MALRD1: variants seen among roughly 807,000 people sequenced by gnomAD.
MALRD1 encodes MAM and LDL-receptor class A domain-containing protein 1.
In MALRD1, 247 loss-of-function variants were observed where a neutral mutation model predicts 242.1. The ratio of observed to expected loss-of-function variants is 1.02; its 90% CI spans 0.92 to 1.13. MALRD1 has a LOEUF of 1.13. Among genes scored for constraint, MALRD1 ranks in the 50% most tolerant of loss-of-function variants. The pLI is 0.00. For missense variants in MALRD1, 2,989 were observed against 2,533.1 expected (o/e 1.18, Z -3.86); for synonymous variants, 995 against 866.6 (o/e 1.15, Z -2.60).
chr10:19,282,160 T>C (rs968381368), intron 20 of MALRD1, among the ~76,000 whole-genome samples: 3 of 152,160 alleles, frequency 2.0e-5, no homozygotes, highest in Non-Finnish European at 2.9e-5. Context: ...TTTTAAATGA[T>C]ATGAAGAACA....
At chr10:19,277,208 G>C (rs1840573393) in intron 19 of MALRD1, among the ~76,000 whole-genome samples, 1 of 152,108 alleles carries the variant, frequency 6.6e-6, no homozygotes. Context: ...TTATAGGTGT[G>C]AGCCACCACA....
intron 31 of MALRD1, among the ~76,000 whole-genome samples, chr10:19,512,615 T>C (rs1474136165): frequency 6.6e-6 from 1 of 152,204 alleles, no homozygotes; most frequent in Non-Finnish European, 1.5e-5. Context: ...AAAGCTTCTG[T>C]CTAACCAGGA....
chr10:19,305,259 G>A (rs757876268), intron 21 of MALRD1, among the ~76,000 whole-genome samples: 21 of 151,540 alleles, frequency 1.4e-4, no homozygotes, highest in Admixed American at 1.3e-4. Context: ...GAATCTAATC[G>A]CAATCTAACA....
At chr10:19,204,434 T>G in intron 16 of MALRD1, 21 bp downstream of exon 16, 1 of 1,438,588 alleles carries the variant, frequency 7.0e-7, no homozygotes, top group Non-Finnish European at 9.5e-7. Flanking sequence ...AACAAATATT[T>G]AAACAATATT....
intron 13 of MALRD1, among the ~76,000 whole-genome samples, chr10:19,170,575 G>T (rs7903742): frequency 0.24 from 36,494 of 151,950 alleles, 4,994 homozygotes; most frequent in South Asian, 0.47. Flanking sequence ...AAAAGTAAAA[G>T]GTGATCGAGT....
chr10:19,367,760 C>T lies in MALRD1; in HGVS notation c.4441+15463C>T, dbSNP rs1407199605. ...AAGAGTTCTCTTTTCTCTGCATTCT[C>T]ACCAGTATTTATTTTTTGTCTTATT... On this transcript the variant is annotated intron_variant, in intron 26 of 39. Transcript: ENST00000454679. 3.3e-5 allele frequency among the ~76,000 whole-genome samples: 5 copies of T among 152,206 alleles called. No individual in the cohort carries two copies. The East Asian group carries it at 9.6e-4, about 29-fold the overall frequency.
chr10:19,449,068 C>G (rs1257193513), intron 28 of MALRD1, among the ~76,000 whole-genome samples: 1 of 152,064 alleles, frequency 6.6e-6, no homozygotes, highest in Non-Finnish European at 1.5e-5. Context: ...AACTAGAAAC[C>G]CAAGGCCTCA....
chr10:19,160,052 T>A (rs1212637675), intron 12 of MALRD1, among the ~76,000 whole-genome samples: 3 of 152,194 alleles, frequency 2.0e-5, no homozygotes, highest in African/African-American at 7.2e-5. Context: ...TTCAAAGTCA[T>A]GAATAGTCAT....
At chr10:19,211,219 T>C (rs898296178) in intron 18 of MALRD1, among the ~76,000 whole-genome samples, 8 of 152,108 alleles carry the variant, frequency 5.3e-5, no homozygotes, top group Non-Finnish European at 1.0e-4. Context: ...CAAGGAACAC[T>C]TTCGTCATGA....
At chr10:19,688,116 C>T (rs570034995) in intron 36 of MALRD1, among the ~76,000 whole-genome samples, 2,003 of 152,052 alleles carry the variant, frequency 0.013, 142 homozygotes, top group Admixed American at 0.11. Context: ...ATTACAGGCA[C>T]CCGCCACCAC....
At chr10:19,589,974 C>G (rs926672167) in intron 33 of MALRD1, among the ~76,000 whole-genome samples, 2 of 152,086 alleles carry the variant, frequency 1.3e-5, no homozygotes, top group East Asian at 3.9e-4. Flanking sequence ...CTGTCAGGAC[C>G]GACCTTATAA....
intron 6 of MALRD1, among the ~76,000 whole-genome samples, chr10:19,123,892 A>T (rs1837155987): frequency 6.6e-6 from 1 of 152,156 alleles, no homozygotes; most frequent in Non-Finnish European, 1.5e-5. Flanking sequence ...AAAGTAGATA[A>T]GGTAAAATAT....
intron 5 of MALRD1, among the ~76,000 whole-genome samples, chr10:19,111,355 T>G (rs1836673923): frequency 6.6e-6 from 1 of 152,178 alleles, no homozygotes; most frequent in Non-Finnish European, 1.5e-5. Context: ...CCATAATGTA[T>G]TTGAGGTGGT....
Position 19,163,174 on chromosome 10 carries a change from TCTATCATA to T in MALRD1, c.1657-2462_1657-2455del, listed in dbSNP as rs1564433521. ...AAAAAAAAAAAAAAAAAGACATCATTCTATCATAAAGATACATTCACATGTATGTGAAT... is the reference window on the plus strand; with the variant it reads ...AAAAAAAAAAAAAAAAAGACATCATTAAGATACATTCACATGTATGTGAAT... On this transcript the variant is annotated intron_variant, in intron 12 of 39. Transcript: ENST00000454679. Among the ~76,000 whole-genome samples the T allele has an allele frequency of 3.5e-5, 4 of 114,948 alleles. No homozygotes were observed. In the South Asian group the frequency reaches 1.3e-3, roughly 37 times the overall value. 75.4% of individuals were successfully genotyped at this position (114,948 alleles called of 152,430 possible).
rs1554789186 is a variant in MALRD1 at position 19,103,558 on chromosome 10, A to AT, written c.598-421_598-420insT. On this transcript the variant is annotated intron_variant, in intron 4 of 39. Transcript: ENST00000454679. Reference sequence around the variant, plus strand: ...AAAAGCGAGACTCCGTCTCAAAAAAAAAAAAAATAAATAAAGATTTAGAGA... The same window carrying AT: ...AAAAGCGAGACTCCGTCTCAAAAAAATAAAAAAATAAATAAAGATTTAGAGA... 7.4e-3 allele frequency among the ~76,000 whole-genome samples: 1,107 copies of AT among 149,232 alleles called. 19 individuals are homozygous for AT. Among genetic ancestry groups the AT allele is most frequent in the African/African-American group, 0.027 (1,065 of 39,392 alleles).
At chr10:19,632,957 C>T (rs111295463) in intron 36 of MALRD1, among the ~76,000 whole-genome samples, 1 of 152,150 alleles carries the variant, frequency 6.6e-6, no homozygotes, top group East Asian at 1.9e-4. Flanking sequence ...CTGGGCCAGG[C>T]ACGGTGGCTC....
At chr10:19,654,837 C>T (rs1216511443) in intron 36 of MALRD1, among the ~76,000 whole-genome samples, 2 of 152,096 alleles carry the variant, frequency 1.3e-5, no homozygotes, top group East Asian at 3.9e-4. Context: ...ATAGACACAT[C>T]TGTGTGTGCT....
chr10:19,344,763 C>G (rs1844035715), intron 24 of MALRD1, among the ~76,000 whole-genome samples: 1 of 151,418 alleles, frequency 6.6e-6, no homozygotes, highest in Non-Finnish European at 1.5e-5. Context: ...GTTTTCCAAT[C>G]ATGAGCATAG....
intron 6 of MALRD1, among the ~76,000 whole-genome samples, chr10:19,124,229 A>G (rs1837172557): frequency 6.6e-6 from 1 of 152,040 alleles, no homozygotes; most frequent in South Asian, 2.1e-4. Flanking sequence ...AAAAAATTAA[A>G]ACATATTGTG....
Sources: gnomAD v4.1 joint callset for allele counts (sites outside exome capture counted in the v4.1 genomes callset) on GRCh38, gnomAD v4.1.1 for gene constraint, MANE v1.5 for transcripts, NCBI Gene and HGNC (gene_info 2026-07-23, HGNC 2026-07-21) for gene names.